The following DIP2C variants were observed in gnomAD, a reference collection of about 807,000 sequenced individuals.
DIP2C encodes the protein disco-interacting protein 2 homolog C.
DIP2C carries 33 observed loss-of-function variants against 192.4 expected under a neutral mutation model. The observed-to-expected ratio is 0.17, with a 90% CI of 0.13 to 0.23. The LOEUF (loss-of-function observed/expected upper bound fraction) is 0.23, where lower values mean the gene tolerates loss of function less well. Among genes scored for constraint, DIP2C ranks in the 10% least tolerant of loss-of-function variants. The pLI is 1.00. For missense variants in DIP2C, 1,537 were observed against 2,110.1 expected, an observed-to-expected ratio of 0.73 and a Z score of 5.32; for synonymous variants, 979 against 864.1, an observed-to-expected ratio of 1.13 and a Z score of -2.33.
rs969609338 is a variant in DIP2C at position 471,910 on chromosome 10, G to A, written c.268+529C>T. On this transcript the variant is annotated intron_variant, in intron 3 of 36. Coordinates refer to ENST00000280886, the MANE Select transcript of DIP2C (RefSeq NM_014974.3). Reference sequence around the variant, plus strand: ...TAGGACTACAGGTGCCCACCACCACGCCCGACAGCCTAAGTTTTCTGTTGC... The same window carrying A: ...TAGGACTACAGGTGCCCACCACCACACCCGACAGCCTAAGTTTTCTGTTGC... Among the ~76,000 whole-genome samples, 10 of 152,212 alleles carry A rather than the reference G, an allele frequency of 6.6e-5. No homozygotes were observed. In the East Asian group the frequency reaches 1.4e-3, roughly 21 times the overall value.
chr10:350,391 G>A (rs1047110053), intron 24 of DIP2C, among the ~76,000 whole-genome samples: 3 of 152,300 alleles, frequency 2.0e-5, no homozygotes, highest in East Asian at 1.9e-4. Context: ...TTATAAGCAC[G>A]TAACTAACCG....
At chr10:309,862 T>A (rs1397423976) in intron 32 of DIP2C, among the ~76,000 whole-genome samples, 169 bp downstream of exon 32, 2 of 152,128 alleles carry the variant, frequency 1.3e-5, no homozygotes, top group Non-Finnish European at 2.9e-5. Flanking sequence ...GAGTTTTCAA[T>A]TGCAAAGTTC....
Position 552,912 on chromosome 10 carries a change from G to GCT in DIP2C, c.86-66384_86-66383dup, listed in dbSNP as rs1243067797. Among the ~76,000 whole-genome samples, 7 of 152,242 alleles carry GCT rather than the reference G, an allele frequency of 4.6e-5. No individual in the cohort carries two copies. The East Asian group carries it at 1.3e-3, about 29-fold the overall frequency. On this transcript the variant is annotated intron_variant, in intron 1 of 36. Transcript: ENST00000280886. ...CCGCCATCTCCACGGAGTGGACAGAGCTTGGGAAAAGCTCATTGTGGAGGC... is the reference window on the plus strand; with the variant it reads ...CCGCCATCTCCACGGAGTGGACAGAGCTCTTGGGAAAAGCTCATTGTGGAGGC...
At chr10:589,885 G>A (rs1396535210) in intron 1 of DIP2C, among the ~76,000 whole-genome samples, 15 of 152,184 alleles carry the variant, frequency 9.9e-5, no homozygotes, top group Admixed American at 9.8e-4. Flanking sequence ...GACCAATGTA[G>A]CCATTAAAAC....
At chr10:608,128 CCAACACACACACAG>C (rs1852647485) in intron 1 of DIP2C, among the ~76,000 whole-genome samples, 2 of 116,908 alleles carry the variant, frequency 1.7e-5, no homozygotes, top group African/African-American at 1.1e-4. Context: ...ACACACAGCC[CCAACACACACACAG>C]CCCCCCCACA....
chr10:670,593 G>A (rs1830585282), intron 1 of DIP2C, among the ~76,000 whole-genome samples: 1 of 152,014 alleles, frequency 6.6e-6, no homozygotes, highest in African/African-American at 2.4e-5. Flanking sequence ...ACATCGGCCT[G>A]GATTAAGATG....
intron 29 of DIP2C, among the ~76,000 whole-genome samples, chr10:335,896 C>A (rs1028993345): frequency 4.6e-5 from 7 of 152,154 alleles, no homozygotes; most frequent in African/African-American, 1.7e-4. Context: ...AGTGTTACAA[C>A]CTGTTGCAAT....
At chr10:667,266 G>A (rs1033708830) in intron 1 of DIP2C, 2 of 152,476 alleles carry the variant, frequency 1.3e-5, no homozygotes, top group African/African-American at 2.4e-5. Context: ...AGGAGGCGCA[G>A]GATGACGACG....
intron 2 of DIP2C, among the ~76,000 whole-genome samples, chr10:480,405 G>A (rs929008358): frequency 2.0e-5 from 3 of 151,280 alleles, no homozygotes; most frequent in Non-Finnish European, 2.9e-5. Context: ...ACCAGCCTGA[G>A]CCCCAGTCCA....
Position 419,087 on chromosome 10 carries a change from G to A in DIP2C, c.717C>T (p.Ala239=), listed in dbSNP as rs369068089. The part of the protein sequence containing the change: ...GSRTAPKYGN[A]ELMETGDGVP... ...TACCATCCCCGGTCTCCATGAGCTC[G>A]GCGTTGCCGTACTTGGGCGCTGTCC... The change falls in exon 6 of 37, where the codon GCC becomes GCT. Residue 239 remains alanine, a synonymous_variant. Transcript: ENST00000280886. 94 of 1,614,142 alleles carry A rather than the reference G, an allele frequency of 5.8e-5. 1 individual carries two copies. The Middle Eastern group carries it at 8.2e-4, about 14-fold the overall frequency.
intron 1 of DIP2C, among the ~76,000 whole-genome samples, chr10:688,085 C>T (rs1052928421): frequency 1.3e-5 from 2 of 152,308 alleles, no homozygotes; most frequent in African/African-American, 4.8e-5. Flanking sequence ...GCAAATGATA[C>T]ACTCCTTACC....
intron 1 of DIP2C, among the ~76,000 whole-genome samples, chr10:673,633 A>G (rs766319721): frequency 3.3e-5 from 5 of 152,202 alleles, no homozygotes; most frequent in Non-Finnish European, 7.3e-5. Context: ...TCATGTGCCC[A>G]TACTCCTTCC....
At position 625,705 on chromosome 10, in the gene DIP2C, C is replaced by T. The variant is rs115962906; in HGVS notation, c.85+63789G>A. On this transcript the variant is annotated intron_variant, in intron 1 of 36. Coordinates refer to ENST00000280886, the MANE Select transcript of DIP2C (RefSeq NM_014974.3). ...AGCAGGAACGAGCTCTTAATAGTTC[C>T]AGTAAATGCAAAGGCCGCCCTGGAA... Among the ~76,000 whole-genome samples, 919 of 152,336 alleles carry T rather than the reference C, an allele frequency of 6.0e-3. 6 individuals carry two copies. The highest frequency in any genetic ancestry group is 0.02 in the African/African-American group (835 of 41,572).
rs565388055 is a variant in DIP2C at position 661,349 on chromosome 10, A to G, written c.85+28145T>C. 2.6e-5 allele frequency among the ~76,000 whole-genome samples: 4 copies of G among 152,174 alleles called. No homozygotes were observed. In the South Asian group the frequency reaches 8.3e-4, roughly 32 times the overall value. On this transcript the variant is annotated intron_variant, in intron 1 of 36. Coordinates refer to ENST00000280886, the MANE Select transcript of DIP2C (RefSeq NM_014974.3). Reference sequence around the variant, plus strand: ...CTCCACCTGGAGACGCTCTGGGTTGAGGCCCCTCCTCAGCTGTGTCTTGGT... The same window carrying G: ...CTCCACCTGGAGACGCTCTGGGTTGGGGCCCCTCCTCAGCTGTGTCTTGGT...
At chr10:502,980 C>G (rs1181869569) in intron 1 of DIP2C, among the ~76,000 whole-genome samples, 1 of 151,962 alleles carries the variant, frequency 6.6e-6, no homozygotes, top group Non-Finnish European at 1.5e-5. Context: ...TAAATCCTGG[C>G]AGGACACCGA....
intron 1 of DIP2C, among the ~76,000 whole-genome samples, chr10:680,337 C>T (rs7072403): frequency 0.033 from 5,056 of 152,330 alleles, 266 homozygotes; most frequent in African/African-American, 0.11. Flanking sequence ...TCCTGCAGCA[C>T]TGGGCCAAGC....
intron 1 of DIP2C, among the ~76,000 whole-genome samples, chr10:511,952 C>A (rs1364344539): frequency 6.6e-6 from 1 of 152,150 alleles, no homozygotes; most frequent in African/African-American, 2.4e-5. Flanking sequence ...TGGCCGACTG[C>A]GGGAGAAGAG....
intron 9 of DIP2C, among the ~76,000 whole-genome samples, chr10:399,779 A>G (rs961490049): frequency 1.3e-5 from 2 of 152,034 alleles, no homozygotes; most frequent in Non-Finnish European, 2.9e-5. Flanking sequence ...ACATGGCGTG[A>G]GTTCGTGGAG....
In DIP2C at chr10:274,501, A is replaced by G. The variant is rs1954417406; in HGVS notation, c.*2824T>C. The G allele has an allele frequency of 6.6e-6, 1 of 152,240 alleles. No individual in the cohort carries two copies. The highest frequency in any genetic ancestry group is 2.4e-5 in the African/African-American group (1 of 41,464). 9.4% of individuals were successfully genotyped at this position (152,240 alleles called of 1,614,324 possible). On this transcript the variant is annotated 3_prime_UTR_variant, in exon 37 of 37. Coordinates refer to ENST00000280886, the MANE Select transcript of DIP2C (RefSeq NM_014974.3). ...TAAAAGCTTTTATTTGTTCATTTGA[A>G]TATAAAACAGGCGTTATCACAGATG...
Sources: gnomAD v4.1 joint callset for allele counts (sites outside exome capture counted in the v4.1 genomes callset) on GRCh38, gnomAD v4.1.1 for gene constraint, MANE v1.5 for transcripts, NCBI Gene and HGNC (gene_info 2026-07-23, HGNC 2026-07-21) for gene names.